Variants in LMNTD1 observed in about 807,000 individuals in gnomAD.
The protein encoded by LMNTD1 is lamin tail domain containing 1.
In LMNTD1, 35 loss-of-function variants were observed where a neutral mutation model predicts 50.9. The ratio of observed to expected loss-of-function variants is 0.69; its 90% CI spans 0.53 to 0.91. LMNTD1 has a LOEUF of 0.91. Among genes scored for constraint, LMNTD1 ranks in the 40% least tolerant of loss-of-function variants. The probability of loss-of-function intolerance (pLI) is 0.00; values close to 1 mark genes in which losing one functional copy is unlikely to be tolerated. For missense variants in LMNTD1, 470 were observed against 475.5 expected (o/e 0.99, Z 0.11); for synonymous variants, 153 against 161.9 (o/e 0.94, Z 0.42).
At chr12:25,483,702 G>A (rs937189682) in intron 9 of LMNTD1, among the ~76,000 whole-genome samples, 1 of 151,602 alleles carries the variant, frequency 6.6e-6, no homozygotes, top group Non-Finnish European at 1.5e-5. Context: ...AACTCAGGAG[G>A]CGGAAGTTGC....
intron 1 of LMNTD1, among the ~76,000 whole-genome samples, chr12:25,566,427 T>TG: frequency 6.6e-6 from 1 of 152,360 alleles, no homozygotes; most frequent in South Asian, 2.1e-4. Flanking sequence ...AATACGGAAG[T>TG]GCAAGTATCT....
chr12:25,633,287 A>G (rs1946760113), intron 1 of LMNTD1, among the ~76,000 whole-genome samples: 1 of 152,170 alleles, frequency 6.6e-6, no homozygotes, highest in Non-Finnish European at 1.5e-5. Context: ...AAGTCAACAA[A>G]GAAACAATGG....
chr12:25,589,507 T>G (rs776135606), intron 1 of LMNTD1, among the ~76,000 whole-genome samples: 1 of 152,182 alleles, frequency 6.6e-6, no homozygotes, highest in Non-Finnish European at 1.5e-5. Flanking sequence ...CAAGACATAG[T>G]TAATGCTGTA....
At chr12:25,620,536 A>G (rs1197301874) in intron 1 of LMNTD1, among the ~76,000 whole-genome samples, 1 of 152,070 alleles carries the variant, frequency 6.6e-6, no homozygotes, top group Non-Finnish European at 1.5e-5. Flanking sequence ...ATAGGAGTAC[A>G]TTTTCTAGCT....
intron 1 of LMNTD1, among the ~76,000 whole-genome samples, chr12:25,611,227 G>A (rs1325438860): frequency 6.6e-6 from 1 of 152,188 alleles, no homozygotes. Context: ...GCGTACTGGA[G>A]ACAGAAATCA....
intron 8 of LMNTD1, among the ~76,000 whole-genome samples, chr12:25,510,255 T>C (rs907468200): frequency 2.0e-5 from 3 of 151,764 alleles, no homozygotes; most frequent in South Asian, 2.1e-4. Flanking sequence ...TTTTTTTTTG[T>C]CAGAAAATGT....
At chr12:25,552,171 G>A (rs1943786662) in intron 2 of LMNTD1, among the ~76,000 whole-genome samples, 1 of 152,070 alleles carries the variant, frequency 6.6e-6, no homozygotes, top group African/African-American at 2.4e-5. Context: ...GTTGATGAAT[G>A]ATTTATATTA....
chr12:25,628,786 A>G (rs1025085184), intron 1 of LMNTD1, among the ~76,000 whole-genome samples: 2 of 152,334 alleles, frequency 1.3e-5, no homozygotes, highest in Admixed American at 6.5e-5. Flanking sequence ...TCGTATCACC[A>G]GAAGGAACCA....
chr12:25,579,657 T>A (rs1202303928), intron 1 of LMNTD1, among the ~76,000 whole-genome samples: 1 of 152,154 alleles, frequency 6.6e-6, no homozygotes, highest in Non-Finnish European at 1.5e-5. Flanking sequence ...ATCCTGGAGA[T>A]GTTATCTCCA....
At chr12:25,531,283 T>C (rs1345820604) in intron 4 of LMNTD1, among the ~76,000 whole-genome samples, 2 of 152,228 alleles carry the variant, frequency 1.3e-5, no homozygotes, top group Non-Finnish European at 2.9e-5. Context: ...AAGTGGGTGC[T>C]ATTCATGTTA....
chr12:25,605,049 G>A (rs1224232065), intron 1 of LMNTD1, among the ~76,000 whole-genome samples: 2 of 152,150 alleles, frequency 1.3e-5, no homozygotes, highest in Non-Finnish European at 2.9e-5. Flanking sequence ...TCTAACTGGT[G>A]TGAGATGGTA....
chr12:25,576,347 C>T (rs969176141), intron 1 of LMNTD1, among the ~76,000 whole-genome samples: 1 of 152,208 alleles, frequency 6.6e-6, no homozygotes, highest in African/African-American at 2.4e-5. Flanking sequence ...TCCTCTCCAG[C>T]ACTTGTTGTT....
At chr12:25,608,546 C>A (rs1096011) in intron 1 of LMNTD1, among the ~76,000 whole-genome samples, 146,113 of 152,272 alleles carry the variant, frequency 0.96, 70,406 homozygotes, top group East Asian at 1. Flanking sequence ...AAAATCTCTC[C>A]GCATTTGCTT....
intron 1 of LMNTD1, among the ~76,000 whole-genome samples, chr12:25,619,250 C>CTA (rs1185194793): frequency 9.3e-4 from 74 of 79,404 alleles, no homozygotes; most frequent in African/African-American, 2.5e-3. Flanking sequence ...CTCTCTCTCT[C>CTA]TCTATATATA....
intron 8 of LMNTD1, among the ~76,000 whole-genome samples, chr12:25,508,660 G>C (rs957792610): frequency 1.3e-5 from 2 of 152,038 alleles, no homozygotes; most frequent in African/African-American, 2.4e-5. Context: ...TGAAATTGCT[G>C]GTTTATGGGG....
At chr12:25,643,847 G>C (rs1354674689) in intron 1 of LMNTD1, among the ~76,000 whole-genome samples, 1 of 152,206 alleles carries the variant, frequency 6.6e-6, no homozygotes, top group Non-Finnish European at 1.5e-5. Context: ...CCAAAATTCA[G>C]GGTGTCGGAT....
At chr12:25,551,235 A>T (rs1004362226) in intron 2 of LMNTD1, among the ~76,000 whole-genome samples, 1 of 152,126 alleles carries the variant, frequency 6.6e-6, no homozygotes, top group East Asian at 1.9e-4. Context: ...TAAGATCTCA[A>T]TTTTTTTCCT....
chr12:25,549,464 A>G lies in LMNTD1; in HGVS notation c.172T>C (p.Ser58Pro). ...GGCATTCCACTGGAATTTGAAGATG[A>G]CAATGGCAGTGTTGTGGCAACTGAA... ...LGSVATTLPL[S>P]SSNSSGMPLG... The change falls in exon 3 of 10, where the codon TCA becomes CCA. Residue 58 changes from serine to proline, a missense_variant. Transcript: ENST00000458174. 2 of 1,613,356 alleles carry G rather than the reference A, an allele frequency of 1.2e-6. No homozygotes were observed. Among genetic ancestry groups the G allele is most frequent in the Non-Finnish European group, 1.7e-6 (2 of 1,179,438 alleles).
intron 4 of LMNTD1, among the ~76,000 whole-genome samples, chr12:25,545,529 T>C (rs941961310): frequency 2.0e-5 from 3 of 151,840 alleles, no homozygotes; most frequent in Middle Eastern, 3.4e-3. Context: ...TGGATAGGGA[T>C]TGAAGACATC....
Sources: gnomAD v4.1 joint callset for allele counts (sites outside exome capture counted in the v4.1 genomes callset) on GRCh38, gnomAD v4.1.1 for gene constraint, MANE v1.5 for transcripts, NCBI Gene and HGNC (gene_info 2026-07-23, HGNC 2026-07-21) for gene names.